Variants in PLXDC2 observed in about 807,000 individuals in gnomAD.
PLXDC2 encodes plexin domain-containing protein 2.
A neutral mutation model predicts 68.9 loss-of-function variants in PLXDC2; 40 were observed. The ratio of observed to expected loss-of-function variants is 0.58; its 90% confidence interval spans 0.45 to 0.76. The LOEUF (loss-of-function observed/expected upper bound fraction) is 0.76. Ranked by LOEUF, PLXDC2 falls within the 30% of genes least tolerant of loss-of-function variation. The pLI, the probability that PLXDC2 is intolerant of heterozygous loss-of-function variation, is 0.00. For synonymous variants in PLXDC2, 243 were observed against 234.2 expected (o/e 1.04, Z -0.34); for missense variants, 644 against 661.9 (o/e 0.97, Z 0.30).
chr10:20,072,054 G>T, intron 4 of PLXDC2, among the ~76,000 whole-genome samples: 1 of 152,118 alleles, frequency 6.6e-6, no homozygotes, highest in African/African-American at 2.4e-5. Flanking sequence ...TACTTTGAAC[G>T]TTAGAAATCT....
At chr10:19,827,481 G>A (rs1014525322) in intron 1 of PLXDC2, among the ~76,000 whole-genome samples, 3 of 152,078 alleles carry the variant, frequency 2.0e-5, no homozygotes, top group African/African-American at 7.2e-5. Flanking sequence ...AAACAACTGG[G>A]AGACTACGTA....
intron 6 of PLXDC2, among the ~76,000 whole-genome samples, chr10:20,149,427 C>T (rs372997178): frequency 5.9e-5 from 9 of 151,412 alleles, no homozygotes; most frequent in East Asian, 3.9e-4. Flanking sequence ...TTAGTAGAGA[C>T]GGGGTTTCTC....
intron 9 of PLXDC2, among the ~76,000 whole-genome samples, chr10:20,181,760 ACT>A (rs1001302060): frequency 3.9e-5 from 6 of 152,136 alleles, no homozygotes; most frequent in African/African-American, 1.4e-4. Flanking sequence ...GACACAGATG[ACT>A]CTGTAAGCTA....
intron 13 of PLXDC2, among the ~76,000 whole-genome samples, chr10:20,268,880 C>T (rs1008544052): frequency 3.3e-5 from 5 of 152,154 alleles, no homozygotes; most frequent in Admixed American, 2.6e-4. Context: ...AAGTACTTTT[C>T]TTTAGAGTAG....
intron 4 of PLXDC2, among the ~76,000 whole-genome samples, chr10:20,142,389 T>A (rs948027132): frequency 6.6e-6 from 1 of 152,078 alleles, no homozygotes; most frequent in African/African-American, 2.4e-5. Flanking sequence ...CTTAGATTAA[T>A]ATTAAAATTA....
At chr10:19,883,117 C>T (rs1049378855) in intron 1 of PLXDC2, among the ~76,000 whole-genome samples, 23 of 151,910 alleles carry the variant, frequency 1.5e-4, no homozygotes, top group Admixed American at 4.6e-4. Context: ...CCACCACGCC[C>T]GGCTAATTTT....
rs1319743369 is a variant in PLXDC2, at chr10:19,856,930, T to C, written c.112+39739T>C. 2.6e-5 allele frequency among the ~76,000 whole-genome samples: 4 copies of C among 152,316 alleles called. No individual in the cohort carries two copies. In the East Asian group the frequency reaches 5.8e-4, roughly 22 times the overall value. On this transcript the variant is annotated intron_variant, in intron 1 of 13. Transcript: ENST00000377252. ...CCTTACTGGAAATCATCAGGGAAGATAGATATGTACAAAATAATTAGAATC... is the reference window on the plus strand; with the variant it reads ...CCTTACTGGAAATCATCAGGGAAGACAGATATGTACAAAATAATTAGAATC...
intron 7 of PLXDC2, among the ~76,000 whole-genome samples, chr10:20,165,954 G>T (rs1424510100): frequency 6.6e-6 from 1 of 152,200 alleles, no homozygotes; most frequent in Non-Finnish European, 1.5e-5. Context: ...GTTGGGGTGG[G>T]GGGTGTTTGT....
Position 19,850,284 on chromosome 10 carries a change from T to A in PLXDC2, c.112+33093T>A, listed in dbSNP as rs528212071. 4.5e-4 allele frequency among the ~76,000 whole-genome samples: 68 copies of A among 152,214 alleles called. 1 individual carries two copies. The highest frequency in any genetic ancestry group is 1.6e-3 in the African/African-American group (67 of 41,544). On this transcript the variant is annotated intron_variant, in intron 1 of 13. Transcript: ENST00000377252. ...GCACCTGCCTAACTGATAGGTTTTT[T>A]TTTTTTTTTAGATACACACACATTT...
intron 1 of PLXDC2, among the ~76,000 whole-genome samples, chr10:19,964,592 G>A (rs1834217252): frequency 6.6e-6 from 1 of 152,172 alleles, no homozygotes. Flanking sequence ...TGAGCCTTGG[G>A]TGTGGGTTGC....
chr10:20,035,823 C>A (rs568307344), intron 2 of PLXDC2, among the ~76,000 whole-genome samples: 4 of 152,240 alleles, frequency 2.6e-5, no homozygotes, highest in African/African-American at 9.6e-5. Context: ...TAGAAAGAAA[C>A]CACCCAGCTT....
intron 3 of PLXDC2, among the ~76,000 whole-genome samples, chr10:20,054,378 A>C (rs1000083066): frequency 1.3e-5 from 2 of 151,954 alleles, no homozygotes; most frequent in Non-Finnish European, 2.9e-5. Context: ...CAGATCAATA[A>C]ATTTGTAGAT....
intron 1 of PLXDC2, among the ~76,000 whole-genome samples, chr10:19,989,659 A>T (rs1401519250): frequency 6.6e-6 from 1 of 151,646 alleles, no homozygotes; most frequent in African/African-American, 2.4e-5. Context: ...TTGTTTTCTT[A>T]TTTCCTTTTT....
At chr10:19,940,023 G>A (rs1833791697) in intron 1 of PLXDC2, among the ~76,000 whole-genome samples, 1 of 151,726 alleles carries the variant, frequency 6.6e-6, no homozygotes, top group Admixed American at 6.6e-5. Flanking sequence ...GTTTAAGCTG[G>A]TTGCTTGAAT....
chr10:20,079,129 A>C (rs1017145910), intron 4 of PLXDC2, among the ~76,000 whole-genome samples: 1 of 152,190 alleles, frequency 6.6e-6, no homozygotes, highest in Non-Finnish European at 1.5e-5. Context: ...AACCTGGGAA[A>C]TATTACAAGG....
intron 2 of PLXDC2, among the ~76,000 whole-genome samples, chr10:20,045,966 G>C (rs1310943694): frequency 6.6e-6 from 1 of 152,046 alleles, no homozygotes; most frequent in Non-Finnish European, 1.5e-5. Context: ...TGGGAACCAT[G>C]AAGAATAAAG....
intron 13 of PLXDC2, among the ~76,000 whole-genome samples, chr10:20,253,370 G>GATA (rs3051539): frequency 0.044 from 6,331 of 145,522 alleles, 211 homozygotes; most frequent in East Asian, 0.11. Flanking sequence ...GTCTCAAAAT[G>GATA]ATAATAATAA....
chr10:20,208,083 G>A (rs965853535), intron 9 of PLXDC2, among the ~76,000 whole-genome samples: 29 of 152,006 alleles, frequency 1.9e-4, no homozygotes, highest in African/African-American at 6.8e-4. Flanking sequence ...AAGTTGAACA[G>A]CTTCCATTTA....
At chr10:19,983,230 G>T (rs1159781125) in intron 1 of PLXDC2, among the ~76,000 whole-genome samples, 1 of 152,144 alleles carries the variant, frequency 6.6e-6, no homozygotes, top group East Asian at 1.9e-4. Context: ...AATCAGGTCT[G>T]CAGTGAGTAA....
Sources: allele counts gnomAD v4.1 joint callset (sites outside exome capture counted in the v4.1 genomes callset), GRCh38; gene constraint gnomAD v4.1.1; transcripts MANE v1.5; gene names NCBI Gene and HGNC (gene_info 2026-07-23, HGNC 2026-07-21).